UTP6: variants seen among roughly 807,000 people sequenced by gnomAD.
The protein encoded by UTP6 is UTP6 small subunit processome component, also known as U3 small nucleolar RNA-associated protein 6 homolog.
A neutral mutation model predicts 96.5 loss-of-function variants in UTP6; 60 were observed. The ratio of observed to expected loss-of-function variants is 0.62; its 90% CI spans 0.51 to 0.77. The LOEUF (loss-of-function observed/expected upper bound fraction) is 0.77, where lower values mean the gene tolerates loss of function less well. Ranked by LOEUF, UTP6 falls within the 30% of genes least tolerant of loss-of-function variation. UTP6 has a pLI of 0.00. For synonymous variants in UTP6, 215 were observed against 240.1 expected, an observed-to-expected ratio of 0.90 and a Z score of 0.96; for missense variants, 637 against 706.5, an observed-to-expected ratio of 0.90 and a Z score of 1.12.
chr17:31,864,918 T>C (rs947069565), intron 18 of UTP6, among the ~76,000 whole-genome samples: 1 of 152,066 alleles, frequency 6.6e-6, no homozygotes, highest in Non-Finnish European at 1.5e-5. Context: ...CCTGAAATGA[T>C]AGTATACACA....
chr17:31,884,106 C>A (rs572139030), intron 10 of UTP6, among the ~76,000 whole-genome samples: 52 of 150,698 alleles, frequency 3.5e-4, no homozygotes, highest in South Asian at 2.1e-3. Flanking sequence ...TCAAGCGAGT[C>A]TCCTGGCTCA....
chr17:31,872,890 A>G (rs1910266301), intron 16 of UTP6, among the ~76,000 whole-genome samples: 1 of 151,118 alleles, frequency 6.6e-6, no homozygotes, highest in African/African-American at 2.4e-5. Context: ...CCAGCTATTC[A>G]GGAGGCTAAG....
chr17:31,892,870 G>A, intron 4 of UTP6, 76 bp from the exon 5 acceptor site: 1 of 1,576,566 alleles, frequency 6.3e-7, no homozygotes, highest in Middle Eastern at 1.7e-4. Context: ...AATTAATTTT[G>A]CTAAAAACAA....
At chr17:31,871,225 C>A (rs7210082) in intron 16 of UTP6, among the ~76,000 whole-genome samples, 42 of 151,184 alleles carry the variant, frequency 2.8e-4, no homozygotes, top group Non-Finnish European at 5.2e-4. Flanking sequence ...AACTCCTGAC[C>A]TTGTGATCCG....
chr17:31,882,529 C>A lies in UTP6; in HGVS notation c.786-1775G>T, dbSNP rs951561382. Reference sequence around the variant, plus strand: ...AGAGACGGGGTTTCACCATGTTGGCCAGGATGATCTCAATCTCTTGACCTC... The same window carrying A: ...AGAGACGGGGTTTCACCATGTTGGCAAGGATGATCTCAATCTCTTGACCTC... On this transcript the variant is annotated intron_variant, in intron 10 of 18. Transcript: ENST00000261708. 2.0e-5 allele frequency among the ~76,000 whole-genome samples: 3 copies of A among 152,096 alleles called. No homozygotes were observed. In the East Asian group the frequency reaches 5.8e-4, roughly 29 times the overall value.
At chr17:31,864,246 A>G (rs907968208) in intron 18 of UTP6, among the ~76,000 whole-genome samples, 1 of 152,096 alleles carries the variant, frequency 6.6e-6, no homozygotes, top group Admixed American at 6.5e-5. Context: ...TTAGCCGAGC[A>G]TGGTGGCACG....
At chr17:31,887,117 C>A (rs559150397) in intron 8 of UTP6, 119 bp downstream of exon 8, 13 of 857,026 alleles carry the variant, frequency 1.5e-5, no homozygotes, top group Non-Finnish European at 2.3e-5. Flanking sequence ...ACCGAGACTC[C>A]GTCTCAAAAA....
At chr17:31,872,663 G>A (rs920807198) in intron 16 of UTP6, among the ~76,000 whole-genome samples, 4 of 151,914 alleles carry the variant, frequency 2.6e-5, no homozygotes, top group Non-Finnish European at 5.9e-5. Context: ...GTGACAGAGC[G>A]AGAACCTGTC....
At chr17:31,867,700 G>A (rs766547616) in intron 17 of UTP6, among the ~76,000 whole-genome samples, 12 of 152,190 alleles carry the variant, frequency 7.9e-5, no homozygotes, top group East Asian at 5.8e-4. Context: ...GCTCACGCCT[G>A]TAATCCCAAC....
intron 11 of UTP6, among the ~76,000 whole-genome samples, chr17:31,879,277 C>G (rs1019862127): frequency 5.3e-5 from 8 of 152,040 alleles, no homozygotes; most frequent in African/African-American, 1.9e-4. Flanking sequence ...GTAATCCCAG[C>G]TACTCGGGAG....
chr17:31,868,835 C>T (rs1021050734), intron 16 of UTP6, among the ~76,000 whole-genome samples: 2 of 152,096 alleles, frequency 1.3e-5, no homozygotes, highest in African/African-American at 4.8e-5. Context: ...CATCCACGGC[C>T]GGGCATGGTG....
rs1208548098 is a variant in UTP6 at position 31,863,052 on chromosome 17, A to G, written c.*307T>C. 3.7e-5 allele frequency: 10 copies of G among 268,478 alleles called. No individual in the cohort carries two copies. In the East Asian group the frequency reaches 6.1e-4, roughly 16 times the overall value. The allele number at this position is 268,478 out of a possible 1,614,324, so 16.6% of individuals were successfully genotyped here. On this transcript the variant is annotated 3_prime_UTR_variant, in exon 19 of 19. Coordinates refer to ENST00000261708, the MANE Select transcript of UTP6 (RefSeq NM_018428.3). ...CAATTCTCTTTACTGGAATCAGATT[A>G]GCACATCAAACTGAGCAGTGTCATG...
intron 9 of UTP6, among the ~76,000 whole-genome samples, chr17:31,884,740 C>CAT (rs1203041788): frequency 5.9e-5 from 2 of 33,838 alleles, no homozygotes; most frequent in Non-Finnish European, 1.0e-4. Flanking sequence ...TTCAACTCCC[C>CAT]ACGATTTAAT....
intron 10 of UTP6, among the ~76,000 whole-genome samples, chr17:31,881,754 T>C (rs924219932): frequency 2.6e-5 from 4 of 152,038 alleles, no homozygotes; most frequent in African/African-American, 9.7e-5. Flanking sequence ...AGTGCAGTGG[T>C]GCCATCATGG....
Position 31,876,317 on chromosome 17 carries a change from G to A in UTP6, c.1126-904C>T, listed in dbSNP as rs911739248. On this transcript the variant is annotated intron_variant, in intron 13 of 18. Transcript: ENST00000261708. ...CTCCCAAAGTGCTGGGATTACAGGC[G>A]TGAGCCACCATGCCCAGCATATAAG... 4.0e-5 allele frequency among the ~76,000 whole-genome samples: 6 copies of A among 149,870 alleles called. No individual in the cohort carries two copies. In the East Asian group the frequency reaches 6.1e-4, roughly 15 times the overall value.
chr17:31,866,371 A>C (rs1909816223), intron 17 of UTP6, among the ~76,000 whole-genome samples: 1 of 151,596 alleles, frequency 6.6e-6, no homozygotes, highest in African/African-American at 2.4e-5. Context: ...CAAGGCAGGC[A>C]GATCACAAGG....
chr17:31,894,797 T>G, intron 3 of UTP6, 60 bp from the exon 4 acceptor site: 2 of 1,460,698 alleles, frequency 1.4e-6, no homozygotes, highest in Non-Finnish European at 1.9e-6. Flanking sequence ...AAAACAGCAT[T>G]CCTACTTGAC....
chr17:31,861,445 T>C lies in UTP6; in HGVS notation c.*1914A>G, dbSNP rs1425545754. Reference sequence around the variant, plus strand: ...AGCCCTGGCAACATAGCAAGACCAGTCTCTACAAAAAAAAATTTAAATTAA... The same window carrying C: ...AGCCCTGGCAACATAGCAAGACCAGCCTCTACAAAAAAAAATTTAAATTAA... On this transcript the variant is annotated 3_prime_UTR_variant, in exon 19 of 19. Transcript: ENST00000261708. 2.0e-5 allele frequency: 3 copies of C among 151,780 alleles called. No individual in the cohort carries two copies. The highest frequency in any genetic ancestry group is 4.4e-5 in the Non-Finnish European group (3 of 67,982). The allele number at this position is 151,780 out of a possible 1,614,324, so 9.4% of individuals were successfully genotyped here. A position where few individuals can be genotyped will look rare whatever the true frequency, so the allele number is the denominator to read the frequency against.
At chr17:31,885,905 A>C in intron 9 of UTP6, 75 bp downstream of exon 9, 6 of 1,373,302 alleles carry the variant, frequency 4.4e-6, no homozygotes, top group Non-Finnish European at 6.1e-6. Flanking sequence ...GAAAATTTCA[A>C]AACTAGCTAA....
Sources: gnomAD v4.1 joint callset for allele counts (sites outside exome capture counted in the v4.1 genomes callset) on GRCh38, gnomAD v4.1.1 for gene constraint, MANE v1.5 for transcripts, NCBI Gene and HGNC (gene_info 2026-07-23, HGNC 2026-07-21) for gene names.